The following DDX27 variants were observed in gnomAD, a reference collection of about 807,000 sequenced individuals.
DDX27 encodes DEAD-box helicase 27, also known as probable ATP-dependent RNA helicase DDX27.
DDX27 carries 42 observed loss-of-function variants against 99.3 expected under a neutral mutation model. That is an observed-to-expected ratio of 0.42 (90% CI 0.33 to 0.55). The LOEUF (loss-of-function observed/expected upper bound fraction) is 0.55. Among genes scored for constraint, DDX27 ranks in the 20% least tolerant of loss-of-function variants. The pLI, the probability that DDX27 is intolerant of heterozygous loss-of-function variation, is 0.07. For missense variants in DDX27, 798 were observed against 976.8 expected (o/e 0.82, Z 2.44); for synonymous variants, 329 against 353.8 (o/e 0.93, Z 0.79).
At chr20:49,230,144 C>A in intron 8 of DDX27, 55 bp from the exon 9 acceptor site, 2 of 1,555,172 alleles carry the variant, frequency 1.3e-6, no homozygotes, top group South Asian at 2.4e-5. Context: ...GGTGCTCAGT[C>A]AACACCCATG....
At chr20:49,220,375 C>T (rs1194966745) in intron 1 of DDX27, among the ~76,000 whole-genome samples, 1 of 152,210 alleles carries the variant, frequency 6.6e-6, no homozygotes, top group African/African-American at 2.4e-5. Flanking sequence ...CATGCTTGCA[C>T]ACCAGCACAC....
chr20:49,242,267 G>T (rs967902342), intron 18 of DDX27, 61 bp downstream of exon 18: 66 of 1,591,762 alleles, frequency 4.1e-5, no homozygotes, highest in Non-Finnish European at 5.3e-5. Context: ...CTGTGCTTTG[G>T]GTCAGGGAGA....
chr20:49,232,132 C>T (rs1194056341), intron 9 of DDX27, among the ~76,000 whole-genome samples: 6 of 152,098 alleles, frequency 3.9e-5, no homozygotes, highest in African/African-American at 1.4e-4. Flanking sequence ...AGACACCCTT[C>T]TGCCTCGGCT....
At chr20:49,221,024 C>T (rs1252291259) in intron 1 of DDX27, among the ~76,000 whole-genome samples, 2 of 152,136 alleles carry the variant, frequency 1.3e-5, no homozygotes, top group Non-Finnish European at 1.5e-5. Flanking sequence ...TGCAGTGGCG[C>T]GATCTCGGCT....
chr20:49,239,654 T>C (rs1980412920), intron 16 of DDX27, among the ~76,000 whole-genome samples: 1 of 152,198 alleles, frequency 6.6e-6, no homozygotes, highest in Non-Finnish European at 1.5e-5. Flanking sequence ...GCTCACGTCC[T>C]GCTGTGCAGC....
Position 49,236,535 on chromosome 20 carries a change from G to A in DDX27, c.1687+25G>A. 4 of 1,537,794 alleles carry A rather than the reference G, an allele frequency of 2.6e-6. No individual in the cohort carries two copies. The highest frequency in any genetic ancestry group is 3.5e-6 in the Non-Finnish European group (4 of 1,141,200). ...GGTGAGCAGGCACCCCTGTGGCAGT[G>A]CAGAATGGCTCGGTGGGCGGGGCAA... is the stretch of plus-strand genomic sequence containing the variant. On this transcript the variant is annotated intron_variant, in intron 14 of 20. Coordinates refer to ENST00000618172, the MANE Select transcript of DDX27 (RefSeq NM_017895.8). This position sits in a 1 kb window ranked among gnomAD's most constrained non-coding sequence, Gnocchi z 4.1.
rs1378850049 is a variant in DDX27 at position 49,225,153 on chromosome 20, A to G, written c.554A>G (p.Glu185Gly). The G allele has an allele frequency of 6.2e-7, 1 of 1,614,108 alleles. No homozygotes were observed. The highest frequency in any genetic ancestry group is 1.1e-5 in the South Asian group (1 of 91,076). ...TTTGAAGATGCATCTCAGTACGATG[A>G]AAACCTCTCGTTCCAGGACATGAAC... ...GFFEDASQYD[E>G]NLSFQDMNLS... is the part of the protein sequence containing the mutation. Residue 185 changes from glutamate (E) to glycine (G), a missense_variant, in exon 6 of 21, where the codon GAA becomes GGA. Around this residue, in one of 2 missense-constraint regions of DDX27, gnomAD observed 245 missense variants for 248.8 expected, o/e 0.98. Coordinates refer to ENST00000618172, the MANE Select transcript of DDX27 (RefSeq NM_017895.8).
chr20:49,235,634 T>G (rs1269074396), intron 12 of DDX27: 3 of 155,870 alleles, frequency 1.9e-5, no homozygotes, highest in Admixed American at 1.9e-4. Context: ...TGATTTAAAC[T>G]GAGACAATTG....
At chr20:49,230,156 G>A in intron 8 of DDX27, 43 bp from the exon 9 acceptor site, 1 of 1,573,656 alleles carries the variant, frequency 6.4e-7, no homozygotes, top group South Asian at 1.2e-5. Context: ...ACACCCATGA[G>A]CAGCTGACCT....
chr20:49,233,267 C>A, intron 9 of DDX27, 39 bp from the exon 10 acceptor site: 2 of 1,516,208 alleles, frequency 1.3e-6, no homozygotes, highest in Admixed American at 1.7e-5. Flanking sequence ...GACCGAAGAG[C>A]ACTCTCTCCA....
chr20:49,235,130 G>T, intron 12 of DDX27, 42 bp downstream of exon 12: 1 of 1,543,316 alleles, frequency 6.5e-7, no homozygotes, highest in Non-Finnish European at 8.7e-7. Flanking sequence ...CCATCCTTCT[G>T]GGGCAGAGAG....
At chr20:49,237,076 A>G (rs889650953) in intron 14 of DDX27, among the ~76,000 whole-genome samples, 2 of 152,152 alleles carry the variant, frequency 1.3e-5, no homozygotes, top group East Asian at 1.9e-4. Context: ...GCTCTTGCCT[A>G]TAACCCAGCA....
chr20:49,240,728 C>T (rs1037488745), intron 16 of DDX27, among the ~76,000 whole-genome samples: 3 of 151,894 alleles, frequency 2.0e-5, no homozygotes, highest in African/African-American at 2.4e-5. Flanking sequence ...CACTCGGCCC[C>T]CTTTTTGTTT....
At chr20:49,225,084 C>G in intron 5 of DDX27, 29 bp from the exon 6 acceptor site, 5 of 1,610,912 alleles carry the variant, frequency 3.1e-6, no homozygotes, top group Non-Finnish European at 4.2e-6. Context: ...TTGTTGAATT[C>G]TCTTCTCTCT....
intron 16 of DDX27, 31 bp downstream of exon 16, chr20:49,239,369 A>G (rs778467989): frequency 1.3e-6 from 2 of 1,523,868 alleles, no homozygotes; most frequent in Non-Finnish European, 1.8e-6. Flanking sequence ...AGAAATCTAA[A>G]TACAGAATTA....
chr20:49,233,695 A>C lies in DDX27; in HGVS notation c.1259A>C (p.Glu420Ala), dbSNP rs1184813796. The C allele has an allele frequency of 6.2e-7, 1 of 1,613,398 alleles. No homozygotes were observed. Among genetic ancestry groups the C allele is most frequent in the East Asian group, 2.2e-5 (1 of 44,884 alleles). ...RIRPNREGDREAIVAALLTRT... is the reference protein window; with the variant it reads ...RIRPNREGDRAAIVAALLTRT... The stretch of plus-strand genomic sequence containing the variant: ...CGGCCTAATCGTGAAGGAGACCGGG[A>C]AGCCATCGTGGCAGGTGGCAGCACA... The change falls in exon 11 of 21, where the codon GAA (glutamate) becomes GCA (alanine). Residue 420 changes from glutamate to alanine, a missense_variant. By Grantham distance (107) the Glu-to-Ala change is moderately radical. Transcript: ENST00000618172.
chr20:49,222,499 C>T (rs560841930), intron 2 of DDX27, among the ~76,000 whole-genome samples: 30 of 151,820 alleles, frequency 2.0e-4, no homozygotes, highest in Non-Finnish European at 3.7e-4. Flanking sequence ...TTTTCAAGAT[C>T]GTCTGGAGAG....
intron 8 of DDX27, 141 bp downstream of exon 8, chr20:49,229,029 ACTTT>A: frequency 1.9e-6 from 1 of 535,146 alleles, no homozygotes; most frequent in Non-Finnish European, 2.7e-6. Context: ...AAACTGGAAG[ACTTT>A]TTTTTTTTTT....
chr20:49,239,710 G>T (rs1378717885), intron 16 of DDX27, among the ~76,000 whole-genome samples: 1 of 151,906 alleles, frequency 6.6e-6, no homozygotes, highest in Non-Finnish European at 1.5e-5. Flanking sequence ...GCAGCCTGGG[G>T]TTGGGGACCA....
Sources: gnomAD v4.1 joint callset for allele counts (sites outside exome capture counted in the v4.1 genomes callset) on GRCh38, gnomAD v4.1.1 for gene constraint, gnomAD v4.1.1 regional missense constraint, Gnocchi (gnomAD v3.1) non-coding constraint, MANE v1.5 for transcripts, NCBI Gene and HGNC (gene_info 2026-07-23, HGNC 2026-07-21) for gene names.